SPIN1: variants seen among roughly 807,000 people sequenced by gnomAD.
SPIN1 encodes spindlin 1.
Under a neutral mutation model 26.0 loss-of-function variants are expected in SPIN1, and 3 were observed. The observed-to-expected ratio is 0.12, with a 90% CI of 0.05 to 0.30. SPIN1 has a LOEUF of 0.30. Among genes scored for constraint, SPIN1 ranks in the 10% least tolerant of loss-of-function variants. The probability of loss-of-function intolerance (pLI) is 1.00; values close to 1 mark genes in which losing one functional copy is unlikely to be tolerated. For missense variants in SPIN1, 126 were observed against 333.4 expected (o/e 0.38, Z 4.84); for synonymous variants, 101 against 116.5 (o/e 0.87, Z 0.86).
At chr9:88,457,611 C>A (rs1181881008) in intron 3 of SPIN1, among the ~76,000 whole-genome samples, 1 of 151,972 alleles carries the variant, frequency 6.6e-6, no homozygotes, top group East Asian at 1.9e-4. Context: ...CTTCTATTGT[C>A]TGTAATTTTA....
chr9:88,403,535 C>T (rs980187612), intron 1 of SPIN1, among the ~76,000 whole-genome samples: 1 of 151,916 alleles, frequency 6.6e-6, no homozygotes, highest in Non-Finnish European at 1.5e-5. Context: ...ATAGCAAGAC[C>T]CCATCTCTAC....
chr9:88,453,607 A>G (rs887215722), intron 3 of SPIN1, among the ~76,000 whole-genome samples: 1 of 151,106 alleles, frequency 6.6e-6, no homozygotes, highest in African/African-American at 2.4e-5. Flanking sequence ...GCTCACCACA[A>G]CCTCCACCTC....
rs1383682131 is a variant in SPIN1, at chr9:88,477,238, T to G, written c.*1961T>G. 6.6e-6 allele frequency: 1 copy of G among 152,184 alleles called. No homozygotes were observed. Among genetic ancestry groups the G allele is most frequent in the Non-Finnish European group, 1.5e-5 (1 of 68,038 alleles). 9.4% of individuals were successfully genotyped at this position (152,184 alleles called of 1,614,324 possible). A position where few individuals can be genotyped will look rare whatever the true frequency, so the allele number is the denominator to read the frequency against. ...CTGGCTCCCAGAGTCCAGACTGACA[T>G]TACAGCGCAAGAGTTTGCAAGTGTG... On this transcript the variant is annotated 3_prime_UTR_variant, in exon 6 of 6. Transcript: ENST00000375859.
Position 88,410,317 on chromosome 9 carries a change from A to T in SPIN1, c.-158-16065A>T, listed in dbSNP as rs527768626. 2.0e-5 allele frequency among the ~76,000 whole-genome samples: 3 copies of T among 152,278 alleles called. 1 individual carries two copies. In the South Asian group the frequency reaches 6.2e-4, roughly 32 times the overall value. On this transcript the variant is annotated intron_variant, in intron 1 of 5. Transcript: ENST00000375859. ...TTGTTGGAATGCTTTAAACAAAAGA[A>T]CAGAAACTAAAATAACCTGTTATAC... is the stretch of plus-strand genomic sequence containing the variant.
chr9:88,398,905 A>T (rs889222924), intron 1 of SPIN1, among the ~76,000 whole-genome samples: 1 of 151,594 alleles, frequency 6.6e-6, no homozygotes, highest in Non-Finnish European at 1.5e-5. Flanking sequence ...TCAGGATCAC[A>T]TAAGGTTTAG....
intron 1 of SPIN1, among the ~76,000 whole-genome samples, chr9:88,398,983 A>G (rs752682992): frequency 4.0e-5 from 6 of 151,774 alleles, no homozygotes; most frequent in Non-Finnish European, 8.8e-5. Flanking sequence ...GTATTAAGGC[A>G]TTTGTTACAG....
At chr9:88,412,515 G>A (rs1827471281) in intron 1 of SPIN1, among the ~76,000 whole-genome samples, 2 of 152,078 alleles carry the variant, frequency 1.3e-5, no homozygotes, top group South Asian at 4.1e-4. Flanking sequence ...TTGGGCAGAG[G>A]GGGTTGTGCC....
intron 2 of SPIN1, among the ~76,000 whole-genome samples, chr9:88,436,658 G>A (rs1035378390): frequency 1.3e-5 from 2 of 150,250 alleles, no homozygotes; most frequent in Admixed American, 6.7e-5. Flanking sequence ...GTCTTTTCCA[G>A]AATAACGTCA....
intron 1 of SPIN1, among the ~76,000 whole-genome samples, chr9:88,397,273 T>C (rs1418292800): frequency 6.6e-6 from 1 of 152,136 alleles, no homozygotes; most frequent in Non-Finnish European, 1.5e-5. Flanking sequence ...CACTGTAGTA[T>C]ATGTGGTCTG....
intron 3 of SPIN1, among the ~76,000 whole-genome samples, chr9:88,462,120 T>C (rs1295118796): frequency 6.6e-6 from 1 of 152,152 alleles, no homozygotes; most frequent in African/African-American, 2.4e-5. Flanking sequence ...ATAACATGTA[T>C]TTCACGGATC....
chr9:88,391,758 C>T (rs1437789843), intron 1 of SPIN1: 1 of 152,270 alleles, frequency 6.6e-6, no homozygotes, highest in Non-Finnish European at 1.5e-5. Flanking sequence ...CCGAGTCGTC[C>T]TGGGGATTTT....
Position 88,468,598 on chromosome 9 carries a change from T to C in SPIN1, c.582T>C (p.Pro194=). The change falls in exon 5 of 6, where the codon CCT becomes CCC. Residue 194 remains proline (P), a synonymous_variant. Coordinates refer to ENST00000375859, the MANE Select transcript of SPIN1 (RefSeq NM_006717.3). ...DYKEGDLRIM[P]DSNDSPPAER... ...AAGAAGGCGACCTTCGCATTATGCC[T>C]GATTCCAGTAAGTATATATTGGCAA... The C allele has an allele frequency of 6.5e-7, 1 of 1,532,890 alleles. No homozygotes were observed. The highest frequency in any genetic ancestry group is 8.8e-7 in the Non-Finnish European group (1 of 1,140,208). 95.0% of individuals were successfully genotyped at this position (1,532,890 alleles called of 1,614,324 possible).
chr9:88,457,897 G>A (rs1291959935), intron 3 of SPIN1: 2 of 984,780 alleles, frequency 2.0e-6, no homozygotes, highest in Non-Finnish European at 2.4e-6. Context: ...TACTAAGATA[G>A]TAGCAAAATG....
intron 5 of SPIN1, among the ~76,000 whole-genome samples, chr9:88,472,775 C>T (rs1828814528): frequency 6.6e-6 from 1 of 152,260 alleles, no homozygotes; most frequent in Non-Finnish European, 1.5e-5. Flanking sequence ...AGGCGTGAGC[C>T]ACTGCGTCCG....
In SPIN1 at chr9:88,400,416, T is replaced by C. The variant is rs144346707; in HGVS notation, c.-159+11878T>C. Among the ~76,000 whole-genome samples, 542 of 152,308 alleles carry C rather than the reference T, an allele frequency of 3.6e-3. 2 individuals are homozygous for C. The highest frequency in any genetic ancestry group is 0.012 in the African/African-American group (511 of 41,542). ...TAAGCAGAGATTCTGGGTTCAGTGT[T>C]ATAGTTCAAGGAGATAGAAAGGACT... On this transcript the variant is annotated intron_variant, in intron 1 of 5. Transcript: ENST00000375859.
At chr9:88,453,981 C>T (rs1319714033) in intron 3 of SPIN1, among the ~76,000 whole-genome samples, 4 of 152,090 alleles carry the variant, frequency 2.6e-5, no homozygotes, top group African/African-American at 9.7e-5. Flanking sequence ...ACACAGATAC[C>T]GGTTTATCCC....
intron 1 of SPIN1, chr9:88,410,585 C>T: frequency 1.2e-6 from 1 of 856,420 alleles, no homozygotes. Context: ...CCATAGTAGC[C>T]ACCGTGGTTT....
chr9:88,462,766 A>AT lies in SPIN1; in HGVS notation c.355+20dup, dbSNP rs1472388609. On this transcript the variant is annotated intron_variant, in intron 4 of 5. Transcript: ENST00000375859. ...ATAGAGTTGGTAAGTTCTTTTTATA[A>AT]TTTGTGCATTATATACTTTAAAAAT... 6.3e-7 allele frequency: 1 copy of AT among 1,590,082 alleles called. No homozygotes were observed. The highest frequency in any genetic ancestry group is 8.5e-7 in the Non-Finnish European group (1 of 1,169,674).
chr9:88,431,328 C>T (rs1587794015), intron 2 of SPIN1, among the ~76,000 whole-genome samples: 2 of 149,272 alleles, frequency 1.3e-5, no homozygotes, highest in South Asian at 2.1e-4. Flanking sequence ...AGAGCTCTGT[C>T]GGCCTGGGCT....
Sources: allele counts gnomAD v4.1 joint callset (sites outside exome capture counted in the v4.1 genomes callset), GRCh38; gene constraint gnomAD v4.1.1; transcripts MANE v1.5; gene names NCBI Gene and HGNC (gene_info 2026-07-23, HGNC 2026-07-21).